DPYD: variants seen among roughly 807,000 people sequenced by gnomAD.
The protein encoded by DPYD is dihydropyrimidine dehydrogenase [NADP(+)].
Under a neutral mutation model 116.2 loss-of-function variants are expected in DPYD, and 109 were observed. That is an observed-to-expected ratio of 0.94 (90% confidence interval 0.80 to 1.10). The LOEUF (loss-of-function observed/expected upper bound fraction) is 1.10, where lower values mean the gene tolerates loss of function less well. DPYD is among the 50% of genes least tolerant of loss of function. The probability of loss-of-function intolerance (pLI) is 0.00; values close to 1 mark genes in which losing one functional copy is unlikely to be tolerated. For missense variants in DPYD, 1,302 were observed against 1,254.5 expected, an observed-to-expected ratio of 1.04 and a Z score of -0.57; for synonymous variants, 440 against 432.0, an observed-to-expected ratio of 1.02 and a Z score of -0.23.
At chr1:97,271,897 C>T (rs1436360652) in intron 18 of DPYD, among the ~76,000 whole-genome samples, 2 of 152,172 alleles carry the variant, frequency 1.3e-5, no homozygotes, top group African/African-American at 4.8e-5. Flanking sequence ...ATATCAATAA[C>T]TGCAGCTTCA....
chr1:97,171,428 G>A (rs571976876), intron 20 of DPYD, among the ~76,000 whole-genome samples: 1 of 152,272 alleles, frequency 6.6e-6, no homozygotes, highest in African/African-American at 2.4e-5. Context: ...TGCCAACTCA[G>A]AATCAAATCC....
chr1:97,257,108 G>GT (rs963958091), intron 18 of DPYD, among the ~76,000 whole-genome samples: 1 of 151,702 alleles, frequency 6.6e-6, no homozygotes, highest in Non-Finnish European at 1.5e-5. Flanking sequence ...AAAATTCTGA[G>GT]TTTTTTTGAT....
At chr1:97,124,581 A>G (rs1269503918) in intron 20 of DPYD, among the ~76,000 whole-genome samples, 1 of 152,140 alleles carries the variant, frequency 6.6e-6, no homozygotes, top group East Asian at 1.9e-4. Flanking sequence ...TCTACAAAGG[A>G]TGAAAGAATA....
chr1:97,538,711 C>A (rs1368670412), intron 12 of DPYD, among the ~76,000 whole-genome samples: 1 of 152,152 alleles, frequency 6.6e-6, no homozygotes, highest in Non-Finnish European at 1.5e-5. Context: ...TAGTATTTCA[C>A]ATAAGCTACC....
chr1:97,644,471 C>T (rs1471571843), intron 8 of DPYD, among the ~76,000 whole-genome samples: 1 of 152,104 alleles, frequency 6.6e-6, no homozygotes, highest in Non-Finnish European at 1.5e-5. Context: ...ATCTATTGCC[C>T]TGTCTGAAGT....
chr1:97,343,816 T>C (rs931160477), intron 16 of DPYD, among the ~76,000 whole-genome samples: 2 of 151,934 alleles, frequency 1.3e-5, no homozygotes, highest in Admixed American at 6.6e-5. Context: ...AGGTAGAAAA[T>C]AGCTAGTGAG....
chr1:97,570,410 T>C (rs1220812826), intron 11 of DPYD, among the ~76,000 whole-genome samples: 1 of 152,048 alleles, frequency 6.6e-6, no homozygotes, highest in Non-Finnish European at 1.5e-5. Flanking sequence ...AAAGATTTTC[T>C]GTGTTGCCAC....
chr1:97,706,303 T>A (rs1467250463), intron 5 of DPYD, among the ~76,000 whole-genome samples: 2 of 152,048 alleles, frequency 1.3e-5, no homozygotes, highest in African/African-American at 4.8e-5. Flanking sequence ...CACCATGCTA[T>A]CCTGCCACCC....
At chr1:97,323,911 G>T (rs887943016) in intron 16 of DPYD, among the ~76,000 whole-genome samples, 11 of 151,706 alleles carry the variant, frequency 7.3e-5, no homozygotes, top group African/African-American at 2.7e-4. Flanking sequence ...TTGAAAAGAG[G>T]GTCTTACTCT....
At chr1:97,220,031 G>A (rs1347534886) in intron 19 of DPYD, among the ~76,000 whole-genome samples, 3 of 151,954 alleles carry the variant, frequency 2.0e-5, no homozygotes, top group Non-Finnish European at 4.4e-5. Context: ...CTCTTCTCTC[G>A]GGGTCTCTGA....
At chr1:97,737,577 T>C (rs1258339484) in intron 4 of DPYD, among the ~76,000 whole-genome samples, 1 of 152,138 alleles carries the variant, frequency 6.6e-6, no homozygotes, top group African/African-American at 2.4e-5. Context: ...ATTCTGGAAA[T>C]GATCAATATT....
chr1:97,870,046 T>C (rs1671580902), intron 2 of DPYD, among the ~76,000 whole-genome samples: 1 of 151,872 alleles, frequency 6.6e-6, no homozygotes, highest in Non-Finnish European at 1.5e-5. Flanking sequence ...TATATACAGT[T>C]ATTGATATTT....
At chr1:97,820,002 T>C (rs1668835705) in intron 3 of DPYD, among the ~76,000 whole-genome samples, 1 of 152,018 alleles carries the variant, frequency 6.6e-6, no homozygotes, top group Non-Finnish European at 1.5e-5. Flanking sequence ...ATAATGGCCA[T>C]ATTATTATCT....
chr1:97,352,036 A>T (rs2101335516), intron 16 of DPYD, among the ~76,000 whole-genome samples: 1 of 152,280 alleles, frequency 6.6e-6, no homozygotes, highest in Non-Finnish European at 1.5e-5. Context: ...GGGGTTAAAG[A>T]ATCTGGCACA....
At chr1:97,288,872 C>T (rs577780662) in intron 18 of DPYD, among the ~76,000 whole-genome samples, 1 of 151,804 alleles carries the variant, frequency 6.6e-6, no homozygotes, top group Non-Finnish European at 1.5e-5. Context: ...CACAAAAAAC[C>T]CTTCAAAAAA....
chr1:97,808,561 A>G (rs1263673295), intron 3 of DPYD, among the ~76,000 whole-genome samples: 1 of 152,054 alleles, frequency 6.6e-6, no homozygotes, highest in Non-Finnish European at 1.5e-5. Flanking sequence ...CAATCATGTC[A>G]TCTGTGGACA....
rs1280539293 is a variant in DPYD at position 97,834,356 on chromosome 1, C to CT, written c.151-6161dup. ...TCATTGAGACACCAAGGTTTAAAACCTTTTTTTTAACTCCTTATTTTGAAA... is the reference window on the plus strand; with the variant it reads ...TCATTGAGACACCAAGGTTTAAAACCTTTTTTTTTAACTCCTTATTTTGAAA... On this transcript the variant is annotated intron_variant, in intron 2 of 22. Coordinates refer to ENST00000370192, the MANE Select transcript of DPYD (RefSeq NM_000110.4). Among the ~76,000 whole-genome samples, 35 of 150,742 alleles carry CT rather than the reference C, an allele frequency of 2.3e-4. 1 individual carries two copies. The East Asian group carries it at 6.2e-3, about 27-fold the overall frequency.
rs376345803 is a variant in DPYD, at chr1:97,741,913, T to C, written c.234-1434A>G. On this transcript the variant is annotated intron_variant, in intron 3 of 22. Coordinates refer to ENST00000370192, the MANE Select transcript of DPYD (RefSeq NM_000110.4). ...TTGAAATAGAAGCTTGAAGAACGAGTGGACATTAGGAAAGCAAATGACAGT... is the reference window on the plus strand; with the variant it reads ...TTGAAATAGAAGCTTGAAGAACGAGCGGACATTAGGAAAGCAAATGACAGT... Among the ~76,000 whole-genome samples the C allele has an allele frequency of 1.1e-4, 16 of 151,838 alleles. No homozygotes were observed. In the East Asian group the frequency reaches 3.1e-3, roughly 30 times the overall value.
intron 12 of DPYD, among the ~76,000 whole-genome samples, chr1:97,532,952 T>A (rs1045887748): frequency 5.9e-5 from 9 of 151,900 alleles, no homozygotes; most frequent in Non-Finnish European, 1.3e-4. Context: ...TTGTTATTGT[T>A]CATCGATGTT....
Sources: allele counts gnomAD v4.1 joint callset (sites outside exome capture counted in the v4.1 genomes callset), GRCh38; gene constraint gnomAD v4.1.1; transcripts MANE v1.5; gene names NCBI Gene and HGNC (gene_info 2026-07-23, HGNC 2026-07-21).